AKR1B1: variants seen among roughly 807,000 people sequenced by gnomAD.
AKR1B1 encodes aldo-keto reductase family 1 member B.
Under a neutral mutation model 40.4 loss-of-function variants are expected in AKR1B1, and 22 were observed. The observed-to-expected ratio is 0.54, with a 90% confidence interval of 0.39 to 0.78. The LOEUF (loss-of-function observed/expected upper bound fraction) is 0.78, where lower values mean the gene tolerates loss of function less well. Among genes scored for constraint, AKR1B1 ranks in the 30% least tolerant of loss-of-function variants. The pLI is 0.00. For synonymous variants in AKR1B1, 157 were observed against 149.9 expected (o/e 1.05, Z -0.35); for missense variants, 357 against 396.7 (o/e 0.90, Z 0.85).
intron 3 of AKR1B1, among the ~76,000 whole-genome samples, 154 bp downstream of exon 3, chr7:134,450,632 C>T (rs544693695): frequency 1.3e-5 from 2 of 152,322 alleles, no homozygotes; most frequent in South Asian, 2.1e-4. Context: ...TTCTAAGACG[C>T]TCCCAGGTGA....
At chr7:134,459,225 T>TC, upstream of AKR1B1, 1 of 802,866 alleles carries the variant, frequency 1.2e-6, no homozygotes, top group Non-Finnish European at 2.0e-6. Context: ...GCGGCGGCCT[T>TC]CCCCAAGGGT....
At chr7:134,451,112 G>A (rs1225980511) in intron 2 of AKR1B1, among the ~76,000 whole-genome samples, 1 of 152,188 alleles carries the variant, frequency 6.6e-6, no homozygotes, top group Non-Finnish European at 1.5e-5. Context: ...AAGGACCAGA[G>A]GACACAAAAT....
At chr7:134,454,571 T>C (rs1431412507) in intron 1 of AKR1B1, among the ~76,000 whole-genome samples, 4 of 152,230 alleles carry the variant, frequency 2.6e-5, no homozygotes, top group Non-Finnish European at 5.9e-5. Context: ...CACAGGACAG[T>C]GTTTATGGTA....
chr7:134,447,499 G>A, intron 7 of AKR1B1, 118 bp from the exon 8 acceptor site: 3 of 890,808 alleles, frequency 3.4e-6, no homozygotes, highest in Admixed American at 3.7e-5. Flanking sequence ...GGTGATCAGA[G>A]AGGGGCTCCA....
At chr7:134,454,893 C>A (rs1207636094) in intron 1 of AKR1B1, among the ~76,000 whole-genome samples, 2 of 152,224 alleles carry the variant, frequency 1.3e-5, no homozygotes, top group Admixed American at 1.3e-4. Context: ...TAAGACACTG[C>A]TGTTTCCAAC....
At position 134,459,000 on chromosome 7, in the gene AKR1B1, C is replaced by T; in HGVS notation, c.63G>A (p.Trp21Ter). Reference protein sequence around the residue: ...AKMPILGLGTWKSPPGQVTEA... With the variant: ...AKMPILGLGT ...CCGCGCCCCCACGAGCACCTACCTT[C>T]CAGGTACCCAACCCCAGGATGGGCA... is the stretch of plus-strand genomic sequence containing the variant. The change falls in exon 1 of 10, where the codon TGG becomes TGA. Residue 21 changes from tryptophan (W) to a stop codon, truncating the protein, a stop_gained. Coordinates refer to ENST00000285930, the MANE Select transcript of AKR1B1 (RefSeq NM_001628.4). LOFTEE classifies it high-confidence loss of function. The T allele has an allele frequency of 6.2e-7, 1 of 1,607,510 alleles. No individual in the cohort carries two copies. The highest frequency in any genetic ancestry group is 1.3e-5 in the African/African-American group (1 of 74,884).
intron 8 of AKR1B1, among the ~76,000 whole-genome samples, chr7:134,446,045 T>C (rs1806084248): frequency 6.6e-6 from 1 of 152,270 alleles, no homozygotes; most frequent in African/African-American, 2.4e-5. Flanking sequence ...GAGAGTCTGC[T>C]ACAGGCTCTG....
intron 9 of AKR1B1, among the ~76,000 whole-genome samples, 161 bp from the exon 10 acceptor site, chr7:134,442,931 G>A (rs969318104): frequency 2.6e-5 from 4 of 152,188 alleles, no homozygotes; most frequent in Admixed American, 1.3e-4. Flanking sequence ...GCAGCTGGGG[G>A]AAGCAACTCA....
chr7:134,455,256 G>C (rs1472131388), intron 1 of AKR1B1, among the ~76,000 whole-genome samples: 2 of 152,126 alleles, frequency 1.3e-5, no homozygotes, highest in Admixed American at 6.5e-5. Flanking sequence ...TGACCCTCTA[G>C]AAGGCTACTG....
chr7:134,446,279 A>G (rs944921382), intron 8 of AKR1B1, among the ~76,000 whole-genome samples: 5 of 152,230 alleles, frequency 3.3e-5, no homozygotes, highest in African/African-American at 1.2e-4. Flanking sequence ...TGCACGTAAG[A>G]AGAAAAACGT....
intron 1 of AKR1B1, among the ~76,000 whole-genome samples, chr7:134,453,317 C>G (rs1389852352): frequency 2.0e-5 from 3 of 152,194 alleles, no homozygotes; most frequent in African/African-American, 7.2e-5. Flanking sequence ...TGACTCAATC[C>G]AGGCCATAAG....
Position 134,451,763 on chromosome 7 carries a change from G to T in AKR1B1, c.67-10C>A. On this transcript the variant is annotated splice_polypyrimidine_tract_variant and intron_variant, in intron 1 of 9. Coordinates refer to ENST00000285930, the MANE Select transcript of AKR1B1 (RefSeq NM_001628.4). ...CCTGCCCTGGAGGGGACTGAAAGGA[G>T]AAAGAACGTGAGCCCCGCAGAATGC... The T allele has an allele frequency of 6.2e-7, 1 of 1,613,794 alleles. No individual in the cohort carries two copies. The highest frequency in any genetic ancestry group is 1.1e-5 in the South Asian group (1 of 91,000).
chr7:134,448,349 C>T, intron 6 of AKR1B1, 38 bp downstream of exon 6: 1 of 1,525,942 alleles, frequency 6.6e-7, no homozygotes, highest in East Asian at 2.2e-5. Flanking sequence ...CTAATCTTCA[C>T]CAAGTGACAC....
At chr7:134,456,572 A>G (rs1299710899) in intron 1 of AKR1B1, among the ~76,000 whole-genome samples, 1 of 151,714 alleles carries the variant, frequency 6.6e-6, no homozygotes, top group Non-Finnish European at 1.5e-5. Flanking sequence ...CATTACTTTG[A>G]CCCACCATTC....
chr7:134,453,806 C>T (rs1394916098), intron 1 of AKR1B1, among the ~76,000 whole-genome samples: 2 of 152,132 alleles, frequency 1.3e-5, no homozygotes, highest in Admixed American at 6.5e-5. Flanking sequence ...TGAAAATGTA[C>T]GAGGATCCAC....
chr7:134,447,775 G>A, intron 7 of AKR1B1: 1 of 672,854 alleles, frequency 1.5e-6, no homozygotes, highest in Non-Finnish European at 2.7e-6. Context: ...CCTTGCAGTA[G>A]TGGGGGCAGG....
At chr7:134,452,843 TTACCA>T (rs1333675765) in intron 1 of AKR1B1, among the ~76,000 whole-genome samples, 1 of 152,124 alleles carries the variant, frequency 6.6e-6, no homozygotes, top group Non-Finnish European at 1.5e-5. Flanking sequence ...AACAAGCCCG[TTACCA>T]GAGCCTGTTA....
chr7:134,444,470 C>T (rs773574645), intron 9 of AKR1B1, among the ~76,000 whole-genome samples: 4 of 152,230 alleles, frequency 2.6e-5, no homozygotes, highest in Non-Finnish European at 5.9e-5. Flanking sequence ...CCCACCCCAT[C>T]TTAGGGAATG....
At chr7:134,453,883 A>C (rs1246564000) in intron 1 of AKR1B1, among the ~76,000 whole-genome samples, 1 of 152,166 alleles carries the variant, frequency 6.6e-6, no homozygotes, top group Non-Finnish European at 1.5e-5. Context: ...TTGCCTTATG[A>C]AAAATGAAGC....
Sources: allele counts gnomAD v4.1 joint callset (sites outside exome capture counted in the v4.1 genomes callset), GRCh38; gene constraint gnomAD v4.1.1; transcripts MANE v1.5; gene names NCBI Gene and HGNC (gene_info 2026-07-23, HGNC 2026-07-21).